RASA3: variants seen among roughly 807,000 people sequenced by gnomAD.
The protein encoded by RASA3 is RAS p21 protein activator 3, also known as ras GTPase-activating protein 3.
RASA3 carries 73 observed loss-of-function variants against 110.0 expected under a neutral mutation model. The observed-to-expected ratio is 0.66, with a 90% confidence interval of 0.55 to 0.81. The LOEUF (loss-of-function observed/expected upper bound fraction) is 0.81, where lower values mean the gene tolerates loss of function less well. RASA3 is among the 30% of genes least tolerant of loss of function. RASA3 has a pLI of 0.00. For synonymous variants in RASA3, 500 were observed against 451.4 expected (o/e 1.11, Z -1.37); for missense variants, 976 against 1,113.2 (o/e 0.88, Z 1.75).
In RASA3 at chr13:114,057,292, G is replaced by A. The variant is rs2079261836; in HGVS notation, c.174-5137C>T. On this transcript the variant is annotated intron_variant, in intron 2 of 23. Coordinates refer to ENST00000334062, the MANE Select transcript of RASA3 (RefSeq NM_007368.4). This position sits in a 1 kb window ranked among gnomAD's most constrained non-coding sequence, Gnocchi z 5.0. ...AAACCAGGCAGGACATCTGCAGGCG[G>A]CCGGCCAGCCTTATCAACGGAGCTC... The A allele has an allele frequency of 4.1e-6, 4 of 985,294 alleles. No individual in the cohort carries two copies. Among genetic ancestry groups the A allele is most frequent in the Non-Finnish European group, 4.8e-6 (4 of 829,932 alleles). 61.0% of individuals were successfully genotyped at this position (985,294 alleles called of 1,614,324 possible).
intron 2 of RASA3, among the ~76,000 whole-genome samples, chr13:114,068,393 G>A (rs1375329751): frequency 6.6e-6 from 1 of 152,236 alleles, no homozygotes; most frequent in Admixed American, 6.5e-5. Context: ...AGCAGGCAGG[G>A]ACAGACACCA....
chr13:114,105,844 A>G (rs2080126763), intron 1 of RASA3, among the ~76,000 whole-genome samples: 1 of 152,224 alleles, frequency 6.6e-6, no homozygotes, highest in Admixed American at 6.5e-5. Context: ...GGCCTAAGGA[A>G]GTCAGCTAGC....
chr13:114,098,990 CCCGG>C lies in RASA3; in HGVS notation c.56-25157_56-25154del, dbSNP rs1361839731. Among the ~76,000 whole-genome samples, 23 of 128,526 alleles carry C rather than the reference CCCGG, an allele frequency of 1.8e-4. 1 individual carries two copies. The highest frequency in any genetic ancestry group is 3.8e-4 in the Admixed American group (5 of 13,152). The allele number at this position is 128,526 out of a possible 152,430, so 84.3% of individuals were successfully genotyped here. On this transcript the variant is annotated intron_variant, in intron 1 of 23. Transcript: ENST00000334062. ...GCCCCCCAGACCACAGCAGTCGGGG[CCCGG>C]CCACCCGAGCCCCCCAGACCACAGC...
At chr13:114,013,489 G>GTC (rs142638282) in intron 14 of RASA3, among the ~76,000 whole-genome samples, 19,036 of 130,672 alleles carry the variant, frequency 0.15, 1,598 homozygotes, top group Middle Eastern at 0.23. Context: ...CCGTATCTCT[G>GTC]TCTCTCTCTC....
At chr13:113,990,163 C>T (rs931318043) in intron 22 of RASA3, among the ~76,000 whole-genome samples, 1 of 152,176 alleles carries the variant, frequency 6.6e-6, no homozygotes, top group African/African-American at 2.4e-5. Context: ...CCTGAGGCCT[C>T]CCCAACCATG....
chr13:114,019,463 A>G (rs1377501293), intron 9 of RASA3, among the ~76,000 whole-genome samples: 1 of 152,254 alleles, frequency 6.6e-6, no homozygotes, highest in Non-Finnish European at 1.5e-5. Context: ...TGGGCCAGGC[A>G]GTCTAAGCTC....
chr13:114,013,570 ATC>A (rs2053695576), intron 14 of RASA3, among the ~76,000 whole-genome samples: 1 of 46,214 alleles, frequency 2.2e-5, no homozygotes, highest in African/African-American at 1.1e-4. Flanking sequence ...CTCTCTCCCT[ATC>A]TCTGTCTCTC....
At chr13:114,078,318 G>T (rs533689579) in intron 1 of RASA3, among the ~76,000 whole-genome samples, 2 of 147,810 alleles carry the variant, frequency 1.4e-5, no homozygotes, top group South Asian at 2.2e-4. Context: ...GAGGAAACAC[G>T]TTTTCTCTTT....
rs1566502203 is a variant in RASA3, at chr13:114,030,556, A to AAGGCTCACACAGAGG, written c.373-670_373-669insCCTCTGTGTGAGCCT. Among the ~76,000 whole-genome samples the AAGGCTCACACAGAGG allele has an allele frequency of 7.2e-4, 74 of 103,110 alleles. 1 individual carries two copies. The highest frequency in any genetic ancestry group is 2.3e-3 in the African/African-American group (65 of 27,830). 67.6% of individuals were successfully genotyped at this position (103,110 alleles called of 152,430 possible). A position where few individuals can be genotyped will look rare whatever the true frequency, so the allele number is the denominator to read the frequency against. ...CACAGAGGGCAAGACTCACACAGAC[A>AAGGCTCACACAGAGG]GCAAGGCTCACGGGGGCTTCTAGCA... On this transcript the variant is annotated intron_variant, in intron 4 of 23. Coordinates refer to ENST00000334062, the MANE Select transcript of RASA3 (RefSeq NM_007368.4).
intron 2 of RASA3, among the ~76,000 whole-genome samples, chr13:114,061,814 G>A (rs1166775145): frequency 6.6e-6 from 1 of 152,184 alleles, no homozygotes; most frequent in Non-Finnish European, 1.5e-5. Context: ...AGGGTTTCTG[G>A]TGCCCTATCC....
chr13:114,082,684 C>T (rs1401006620), intron 1 of RASA3, among the ~76,000 whole-genome samples: 2 of 152,188 alleles, frequency 1.3e-5, no homozygotes, highest in Non-Finnish European at 2.9e-5. Flanking sequence ...TTCCTTAACC[C>T]AAGCAACGTT....
intron 17 of RASA3, 50 bp from the exon 18 acceptor site, chr13:114,007,656 T>C: frequency 7.0e-7 from 1 of 1,430,166 alleles, no homozygotes; most frequent in Non-Finnish European, 9.8e-7. Context: ...ACATCTGACG[T>C]GCACGGCTCT....
At chr13:114,087,690 G>T (rs1186054969) in intron 1 of RASA3, among the ~76,000 whole-genome samples, 1 of 152,212 alleles carries the variant, frequency 6.6e-6, no homozygotes, top group Non-Finnish European at 1.5e-5. Flanking sequence ...ACGGCTCCCG[G>T]GGCCAGCAGG....
intron 1 of RASA3, among the ~76,000 whole-genome samples, chr13:114,107,187 G>T (rs1030650059): frequency 3.3e-5 from 5 of 152,144 alleles, no homozygotes; most frequent in Non-Finnish European, 4.4e-5. Flanking sequence ...TACGTGGCCT[G>T]TGTGTCTGCC....
At chr13:114,030,519 G>A (rs1054970382) in intron 4 of RASA3, among the ~76,000 whole-genome samples, 1 of 118,208 alleles carries the variant, frequency 8.5e-6, no homozygotes, top group African/African-American at 3.0e-5. Flanking sequence ...CTCACACAGA[G>A]AGCAAGACTC....
At chr13:114,024,719 T>A (rs2053995730) in intron 7 of RASA3, among the ~76,000 whole-genome samples, 1 of 152,124 alleles carries the variant, frequency 6.6e-6, no homozygotes, top group Non-Finnish European at 1.5e-5. Flanking sequence ...CCCTCTGCCG[T>A]GGAGACGAAG....
intron 1 of RASA3, among the ~76,000 whole-genome samples, chr13:114,081,360 C>T (rs1489446370): frequency 5.3e-5 from 8 of 152,158 alleles, no homozygotes; most frequent in Non-Finnish European, 8.8e-5. Context: ...CCCAGTCTCC[C>T]GATGCAGTAT....
intron 18 of RASA3, among the ~76,000 whole-genome samples, chr13:114,004,737 T>C (rs1407419284): frequency 2.0e-5 from 3 of 152,024 alleles, no homozygotes; most frequent in African/African-American, 7.2e-5. Context: ...CTCAAGAAGC[T>C]AAAGGCAGAG....
At position 113,979,273 on chromosome 13, in the gene RASA3, T is replaced by C; in HGVS notation, c.*74A>G. On this transcript the variant is annotated 3_prime_UTR_variant, in exon 24 of 24. Coordinates refer to ENST00000334062, the MANE Select transcript of RASA3 (RefSeq NM_007368.4). ...CACTTTGCCGGCTCTGCGCTCTTCC[T>C]TCTCTTCTCCCTCCCAAAGGCTGCG... is the stretch of plus-strand genomic sequence containing the variant. 7.1e-7 allele frequency: 1 copy of C among 1,402,840 alleles called. No homozygotes were observed. The highest frequency in any genetic ancestry group is 2.3e-5 in the East Asian group (1 of 43,830). The allele number at this position is 1,402,840 out of a possible 1,614,324, so 86.9% of individuals were successfully genotyped here. A position where few individuals can be genotyped will look rare whatever the true frequency, so the allele number is the denominator to read the frequency against.
Sources: gnomAD v4.1 joint callset for allele counts (sites outside exome capture counted in the v4.1 genomes callset) on GRCh38, gnomAD v4.1.1 for gene constraint, Gnocchi (gnomAD v3.1) non-coding constraint, MANE v1.5 for transcripts, NCBI Gene and HGNC (gene_info 2026-07-23, HGNC 2026-07-21) for gene names.